PPARGC1A: variants seen among roughly 807,000 people sequenced by gnomAD.
The protein encoded by PPARGC1A is PPARG coactivator 1 alpha.
PPARGC1A carries 25 observed loss-of-function variants against 88.7 expected under a neutral mutation model. The ratio of observed to expected loss-of-function variants is 0.28; its 90% CI spans 0.21 to 0.39. PPARGC1A has a LOEUF of 0.39. Ranked by LOEUF, PPARGC1A falls within the 10% of genes least tolerant of loss-of-function variation. The probability of loss-of-function intolerance (pLI) is 1.00; values close to 1 mark genes in which losing one functional copy is unlikely to be tolerated. For synonymous variants in PPARGC1A, 363 were observed against 355.6 expected, an observed-to-expected ratio of 1.02 and a Z score of -0.24; for missense variants, 880 against 968.7, an observed-to-expected ratio of 0.91 and a Z score of 1.22.
chr4:24,404,875 C>G, the PPARGC1A span, among the ~76,000 whole-genome samples: 1 of 152,164 alleles, frequency 6.6e-6, no homozygotes, highest in African/African-American at 2.4e-5. Flanking sequence ...GCAGCTTTTT[C>G]CCTCCTGAGT....
chr4:24,245,946 C>T, the PPARGC1A span, among the ~76,000 whole-genome samples: 1 of 151,976 alleles, frequency 6.6e-6, no homozygotes, highest in South Asian at 2.1e-4. Context: ...CACACACACA[C>T]ACACACACAC....
At chr4:23,983,176 C>G in the PPARGC1A span, among the ~76,000 whole-genome samples, 1 of 152,098 alleles carries the variant, frequency 6.6e-6, no homozygotes, top group Middle Eastern at 3.4e-3. Context: ...AAAATGTAGT[C>G]ATTGTACCTA....
At chr4:23,870,943 T>G (rs925882969) in intron 2 of PPARGC1A, among the ~76,000 whole-genome samples, 3 of 152,036 alleles carry the variant, frequency 2.0e-5, no homozygotes, top group Admixed American at 6.5e-5. Flanking sequence ...TCCGTGTTTT[T>G]TTTTTTTTTT....
chr4:24,237,678 T>G, the PPARGC1A span, among the ~76,000 whole-genome samples: 1 of 152,222 alleles, frequency 6.6e-6, no homozygotes, highest in Non-Finnish European at 1.5e-5. Context: ...CATGTTACTA[T>G]TTTCTCTCTT....
At chr4:24,412,349 C>T in the PPARGC1A span, among the ~76,000 whole-genome samples, 1 of 151,970 alleles carries the variant, frequency 6.6e-6, no homozygotes, top group Non-Finnish European at 1.5e-5. Flanking sequence ...TATTGTTCCA[C>T]AACCCATGAA....
chr4:23,968,162 C>G, the PPARGC1A span, among the ~76,000 whole-genome samples: 3 of 152,168 alleles, frequency 2.0e-5, no homozygotes, highest in Non-Finnish European at 4.4e-5. Context: ...CCCCACTGTC[C>G]TCAAGCAAGT....
At chr4:24,087,127 T>C in the PPARGC1A span, among the ~76,000 whole-genome samples, 1 of 152,208 alleles carries the variant, frequency 6.6e-6, no homozygotes, top group Non-Finnish European at 1.5e-5. Context: ...AGAAAGTTTA[T>C]GGAGAAGCAG....
the PPARGC1A span, among the ~76,000 whole-genome samples, chr4:24,196,753 A>T: frequency 6.6e-6 from 1 of 152,208 alleles, no homozygotes; most frequent in Non-Finnish European, 1.5e-5. Flanking sequence ...CTAAACAAAA[A>T]GGTTTCTTCC....
the PPARGC1A span, among the ~76,000 whole-genome samples, chr4:24,173,433 A>C: frequency 1.3e-5 from 2 of 152,078 alleles, no homozygotes; most frequent in Non-Finnish European, 2.9e-5. Context: ...ATGGAGGTGC[A>C]CAACTGTAGT....
intron 5 of PPARGC1A, among the ~76,000 whole-genome samples, chr4:23,826,354 C>A (rs987386914): frequency 2.6e-5 from 4 of 152,118 alleles, no homozygotes; most frequent in Non-Finnish European, 4.4e-5. Context: ...CTAGTAGGAT[C>A]CTTAAAGTCA....
the PPARGC1A span, among the ~76,000 whole-genome samples, chr4:23,932,740 A>C: frequency 1.3e-5 from 2 of 152,210 alleles, no homozygotes. Context: ...GGAGAACTTA[A>C]GAGGGAAGAA....
At chr4:24,334,927 C>G in the PPARGC1A span, among the ~76,000 whole-genome samples, 1 of 152,124 alleles carries the variant, frequency 6.6e-6, no homozygotes, top group African/African-American at 2.4e-5. Context: ...TTTTGGTATG[C>G]TATGAACACA....
At chr4:23,894,038 C>G (rs572273169), upstream of PPARGC1A, among the ~76,000 whole-genome samples, 2 of 152,090 alleles carry the variant, frequency 1.3e-5, no homozygotes, top group Non-Finnish European at 2.9e-5. Flanking sequence ...AAAGAGCATG[C>G]AAATCGCTGA....
the PPARGC1A span, among the ~76,000 whole-genome samples, chr4:24,317,686 A>ATTT: frequency 7.1e-6 from 1 of 141,366 alleles, no homozygotes; most frequent in Non-Finnish European, 1.5e-5. Flanking sequence ...GTAGGGCTGG[A>ATTT]TTTTTTTTCA....
chr4:24,425,401 C>T, the PPARGC1A span, among the ~76,000 whole-genome samples: 3 of 152,252 alleles, frequency 2.0e-5, no homozygotes, highest in East Asian at 3.9e-4. Context: ...TTTTAATTTA[C>T]TGCAGCACCC....
chr4:24,458,968 G>C, the PPARGC1A span, among the ~76,000 whole-genome samples: 1 of 151,862 alleles, frequency 6.6e-6, no homozygotes, highest in South Asian at 2.1e-4. Context: ...ATTATCTCTA[G>C]GTATTTAGAC....
intron 2 of PPARGC1A, among the ~76,000 whole-genome samples, chr4:23,835,605 A>C (rs1176058429): frequency 6.6e-6 from 1 of 151,932 alleles, no homozygotes; most frequent in Non-Finnish European, 1.5e-5. Context: ...TGATTATTCG[A>C]TATTATTGTT....
At chr4:23,874,781 A>G (rs1256142750) in intron 2 of PPARGC1A, among the ~76,000 whole-genome samples, 2 of 152,190 alleles carry the variant, frequency 1.3e-5, no homozygotes, top group Non-Finnish European at 2.9e-5. Flanking sequence ...CTGTCACAGC[A>G]ACTGCTTTTG....
chr4:24,282,320 A>G, the PPARGC1A span, among the ~76,000 whole-genome samples: 1 of 152,244 alleles, frequency 6.6e-6, no homozygotes, highest in Non-Finnish European at 1.5e-5. Context: ...CAGTGGCTCC[A>G]CTTCTCCATC....
Sources: allele counts gnomAD v4.1 joint callset (sites outside exome capture counted in the v4.1 genomes callset), GRCh38; gene constraint gnomAD v4.1.1; transcripts MANE v1.5; gene names NCBI Gene and HGNC (gene_info 2026-07-23, HGNC 2026-07-21).